PLCL2: variants seen among roughly 807,000 people sequenced by gnomAD.
The protein encoded by PLCL2 is inactive phospholipase C-like protein 2.
In PLCL2, 4 loss-of-function variants were observed where a neutral mutation model predicts 79.6. That is an observed-to-expected ratio of 0.05 (90% CI 0.02 to 0.11). PLCL2 has a LOEUF of 0.11. Ranked by LOEUF, PLCL2 falls within the 10% of genes least tolerant of loss-of-function variation. The probability of loss-of-function intolerance (pLI) is 1.00; values close to 1 mark genes in which losing one functional copy is unlikely to be tolerated. For missense variants in PLCL2, 895 were observed against 1,291.0 expected, an observed-to-expected ratio of 0.69 and a Z score of 4.70; for synonymous variants, 484 against 457.7, an observed-to-expected ratio of 1.06 and a Z score of -0.73.
chr3:17,049,932 A>G (rs2064821302), intron 4 of PLCL2, among the ~76,000 whole-genome samples: 1 of 152,182 alleles, frequency 6.6e-6, no homozygotes, highest in Admixed American at 6.6e-5. Context: ...CCTTCAAATA[A>G]TACTGCAGAA....
At chr3:16,916,219 C>T (rs4685403) in intron 1 of PLCL2, among the ~76,000 whole-genome samples, 52,044 of 152,034 alleles carry the variant, frequency 0.34, 9,085 homozygotes, top group East Asian at 0.53. Context: ...AAATATAAGA[C>T]TATTCAGCCC....
At chr3:16,908,320 TA>T (rs1212903717) in intron 1 of PLCL2, among the ~76,000 whole-genome samples, 1 of 152,218 alleles carries the variant, frequency 6.6e-6, no homozygotes, top group African/African-American at 2.4e-5. Context: ...ATTATATCTG[TA>T]AAATAATAAT....
chr3:17,033,481 A>C (rs2064606989), intron 3 of PLCL2, among the ~76,000 whole-genome samples: 1 of 152,208 alleles, frequency 6.6e-6, no homozygotes, highest in Admixed American at 6.5e-5. Context: ...TTCTACTACA[A>C]ATACTTGTTT....
At chr3:17,054,371 G>A (rs1446087160) in intron 4 of PLCL2, among the ~76,000 whole-genome samples, 1 of 152,132 alleles carries the variant, frequency 6.6e-6, no homozygotes, top group Non-Finnish European at 1.5e-5. Flanking sequence ...TCTCTAGGAA[G>A]TTCCAAACTT....
intron 1 of PLCL2, among the ~76,000 whole-genome samples, chr3:16,956,816 T>C (rs1463837833): frequency 6.6e-6 from 1 of 152,242 alleles, no homozygotes; most frequent in African/African-American, 2.4e-5. Context: ...TTTATTTGCG[T>C]AGAGGTGTTT....
At chr3:17,025,386 T>C (rs2064505521) in intron 3 of PLCL2, among the ~76,000 whole-genome samples, 1 of 152,196 alleles carries the variant, frequency 6.6e-6, no homozygotes, top group Non-Finnish European at 1.5e-5. Context: ...ACTGAAGTTA[T>C]ATCAGTCACT....
At chr3:16,921,722 T>A (rs1330654666) in intron 1 of PLCL2, among the ~76,000 whole-genome samples, 1 of 152,162 alleles carries the variant, frequency 6.6e-6, no homozygotes, top group Non-Finnish European at 1.5e-5. Flanking sequence ...CAGTGCAGAA[T>A]TTTTTTCTGA....
chr3:16,979,155 T>C (rs989891855), intron 1 of PLCL2, among the ~76,000 whole-genome samples: 2 of 152,174 alleles, frequency 1.3e-5, no homozygotes, highest in East Asian at 3.8e-4. Flanking sequence ...GTGACTTACG[T>C]ATTATAGGCC....
At chr3:16,937,873 ATGT>A (rs1187723711) in intron 1 of PLCL2, among the ~76,000 whole-genome samples, 2 of 152,180 alleles carry the variant, frequency 1.3e-5, no homozygotes, top group African/African-American at 2.4e-5. Flanking sequence ...GTAGCAGCAA[ATGT>A]TGTACTTGCA....
At chr3:17,028,552 C>T (rs1183646869) in intron 3 of PLCL2, among the ~76,000 whole-genome samples, 9 of 151,628 alleles carry the variant, frequency 5.9e-5, no homozygotes, top group African/African-American at 2.2e-4. Context: ...TGTTGACTCA[C>T]TGCAGCCTCT....
chr3:16,968,549 A>G (rs950584454), intron 1 of PLCL2, among the ~76,000 whole-genome samples: 4 of 152,042 alleles, frequency 2.6e-5, no homozygotes, highest in African/African-American at 9.7e-5. Context: ...ATAGGATTGT[A>G]TTCTTGATTT....
At chr3:16,910,972 G>A (rs140956719) in intron 1 of PLCL2, among the ~76,000 whole-genome samples, 4,807 of 152,158 alleles carry the variant, frequency 0.032, 118 homozygotes, top group South Asian at 0.059. Context: ...TTTGTAATGG[G>A]GCCAGGCACG....
chr3:16,947,473 G>T (rs2063613473), intron 1 of PLCL2, among the ~76,000 whole-genome samples: 1 of 152,136 alleles, frequency 6.6e-6, no homozygotes, highest in Admixed American at 6.5e-5. Flanking sequence ...AGAAAGAAAG[G>T]CCCATCTGCA....
intron 1 of PLCL2, among the ~76,000 whole-genome samples, chr3:17,005,160 C>G (rs2064248883): frequency 6.6e-6 from 1 of 152,048 alleles, no homozygotes; most frequent in Non-Finnish European, 1.5e-5. Context: ...AGGAGTCTTT[C>G]AAGTGGAAGT....
rs780366754 is a variant in PLCL2 at position 16,911,252 on chromosome 3, C to CAA, written c.327+25906_327+25907dup. ...TGGGCCACAGAGCAAGACTCTGTCT[C>CAA]AAAAAAAAAAAAAAAAAAAAAGTAA... is the stretch of plus-strand genomic sequence containing the variant. On this transcript the variant is annotated intron_variant, in intron 1 of 5. Transcript: ENST00000615277. Among the ~76,000 whole-genome samples, 327 of 55,894 alleles carry CAA rather than the reference C, an allele frequency of 5.9e-3. 1 individual carries two copies. Among genetic ancestry groups the CAA allele is most frequent in the African/African-American group, 0.019 (292 of 15,338 alleles). 36.7% of individuals were successfully genotyped at this position (55,894 alleles called of 152,430 possible).
intron 3 of PLCL2, among the ~76,000 whole-genome samples, chr3:17,034,414 A>T (rs1261794477): frequency 6.6e-6 from 1 of 152,172 alleles, no homozygotes; most frequent in Non-Finnish European, 1.5e-5. Context: ...ATTGGGAAAT[A>T]AAAAAAATTA....
Position 17,024,700 on chromosome 3 carries a change from C to T in PLCL2, c.3018+9789C>T, listed in dbSNP as rs535453119. Among the ~76,000 whole-genome samples, 9 of 152,264 alleles carry T rather than the reference C, an allele frequency of 5.9e-5. No individual in the cohort carries two copies. The East Asian group carries it at 9.6e-4, about 16-fold the overall frequency. ...TGAGTTCCAAATCTTTTCAGATTGA[C>T]GAAAATGAAGACTAGCTGACCTAGA... On this transcript the variant is annotated intron_variant, in intron 3 of 5. Transcript: ENST00000615277.
intron 1 of PLCL2, among the ~76,000 whole-genome samples, chr3:16,999,986 A>G (rs1278121342): frequency 1.3e-5 from 2 of 152,136 alleles, no homozygotes; most frequent in African/African-American, 4.8e-5. Context: ...TTTGTCTTCT[A>G]AAGTTTATGT....
chr3:16,939,665 C>G (rs1697630907), intron 1 of PLCL2, among the ~76,000 whole-genome samples: 1 of 152,162 alleles, frequency 6.6e-6, no homozygotes, highest in Non-Finnish European at 1.5e-5. Context: ...GATTAAGCCT[C>G]AGTGGAACAA....
Sources: allele counts gnomAD v4.1 joint callset (sites outside exome capture counted in the v4.1 genomes callset), GRCh38; gene constraint gnomAD v4.1.1; transcripts MANE v1.5; gene names NCBI Gene and HGNC (gene_info 2026-07-23, HGNC 2026-07-21).